JAK1: variants seen among roughly 807,000 people sequenced by gnomAD.
The protein encoded by JAK1 is Janus kinase 1.
A neutral mutation model predicts 136.6 loss-of-function variants in JAK1; 16 were observed. That is an observed-to-expected ratio of 0.12 (90% CI 0.08 to 0.18). The LOEUF is 0.18. Ranked by LOEUF, JAK1 falls within the 10% of genes least tolerant of loss-of-function variation. JAK1 has a pLI of 1.00. For missense variants in JAK1, 859 were observed against 1,450.1 expected (o/e 0.59, Z 6.62); for synonymous variants, 492 against 519.5 (o/e 0.95, Z 0.72).
intron 1 of JAK1, chr1:65,066,744 CCCTCCTCCTCCTCCTCCGGCACCGCCG>C (rs1367466492): frequency 1.3e-5 from 2 of 153,246 alleles, no homozygotes; most frequent in Non-Finnish European, 2.9e-5. Context: ...TCTTCTCCCT[CCCTCCTCCTCCTCCTCCGGCACCGCCG>C]CCTCCTCCTC....
intron 19 of JAK1, among the ~76,000 whole-genome samples, 187 bp downstream of exon 19, chr1:64,841,058 G>A (rs755865159): frequency 4.1e-4 from 62 of 152,150 alleles, no homozygotes; most frequent in Non-Finnish European, 7.8e-4. Context: ...CGTCCGTGCC[G>A]TGTGTCACAT....
chr1:64,970,134 C>CAAAAA (rs1232133832), upstream of JAK1, among the ~76,000 whole-genome samples: 175 of 49,510 alleles, frequency 3.5e-3, 65 homozygotes, highest in East Asian at 4.7e-3. Flanking sequence ...GACCCTGTCT[C>CAAAAA]AAAAAAAAAA....
intron 1 of JAK1, among the ~76,000 whole-genome samples, chr1:64,889,773 G>A (rs930842806): frequency 9.9e-5 from 15 of 152,166 alleles, no homozygotes; most frequent in Admixed American, 1.3e-4. Flanking sequence ...TGGTATCTGC[G>A]CAAGGGAAGA....
intron 1 of JAK1, among the ~76,000 whole-genome samples, chr1:64,907,173 A>G (rs1000272418): frequency 2.0e-5 from 3 of 152,206 alleles, no homozygotes; most frequent in Non-Finnish European, 4.4e-5. Flanking sequence ...TGAAATGAAA[A>G]TAACAGTACA....
In JAK1 at chr1:64,844,626, C is replaced by A. The variant is rs949918692; in HGVS notation, c.2251+128G>T. 5.5e-6 allele frequency: 6 copies of A among 1,094,400 alleles called. No individual in the cohort carries two copies. In the African/African-American group the frequency reaches 9.5e-5, roughly 17 times the overall value. 67.8% of individuals were successfully genotyped at this position (1,094,400 alleles called of 1,614,324 possible). A position where few individuals can be genotyped will look rare whatever the true frequency, so the allele number is the denominator to read the frequency against. ...GACCATCCTGGCCAACATGGTGAAACCCCGTCTCTACTAAAATACAAAAAA... is the reference window on the plus strand; with the variant it reads ...GACCATCCTGGCCAACATGGTGAAAACCCGTCTCTACTAAAATACAAAAAA... On this transcript the variant is annotated intron_variant, in intron 16 of 24. Transcript: ENST00000342505. This position sits in a 1 kb window ranked among gnomAD's most constrained non-coding sequence, Gnocchi z 5.7.
intron 1 of JAK1, among the ~76,000 whole-genome samples, chr1:64,923,813 C>T (rs771569459): frequency 7.2e-5 from 11 of 152,148 alleles, no homozygotes; most frequent in South Asian, 2.1e-4. Context: ...ATCAGACCAA[C>T]GGTTCCCAAC....
chr1:64,977,901 G>A lies in JAK1; in HGVS notation c.-78+66579C>T, dbSNP rs557637185. On this transcript the variant is annotated intron_variant, in intron 2 of 25. Transcript: ENST00000671954. The stretch of plus-strand genomic sequence containing the variant: ...AATTTCCATAAGCTTTAATTTCATC[G>A]TCATCGGTAAGTAAGGATGATACTA... 6.9e-5 allele frequency among the ~76,000 whole-genome samples: 10 copies of A among 144,586 alleles called. No individual in the cohort carries two copies. The South Asian group carries it at 8.3e-4, about 12-fold the overall frequency. 94.9% of individuals were successfully genotyped at this position (144,586 alleles called of 152,430 possible). A position where few individuals can be genotyped will look rare whatever the true frequency, so the allele number is the denominator to read the frequency against.
rs759386549 is a variant in JAK1 at position 64,855,717 on chromosome 1, G to C, written c.1459-19C>G. 1.2e-5 allele frequency: 20 copies of C among 1,603,852 alleles called. No homozygotes were observed. The highest frequency in any genetic ancestry group is 1.6e-5 in the Non-Finnish European group (19 of 1,171,976). Reference sequence around the variant, plus strand: ...GCACCTGCTATTCGGGAAATGACCAGAAATTACATGTTTAAAATGGGGTCA... The same window carrying C: ...GCACCTGCTATTCGGGAAATGACCACAAATTACATGTTTAAAATGGGGTCA... On this transcript the variant is annotated intron_variant, in intron 10 of 24. Coordinates refer to ENST00000342505, the MANE Select transcript of JAK1 (RefSeq NM_002227.4).
intron 1 of JAK1, among the ~76,000 whole-genome samples, chr1:64,932,705 C>T (rs1403615651): frequency 4.6e-5 from 7 of 152,236 alleles, no homozygotes; most frequent in African/African-American, 9.6e-5. Context: ...AACACTAACG[C>T]TATGGTTTGT....
intron 20 of JAK1, among the ~76,000 whole-genome samples, chr1:64,839,144 T>TTAA (rs1185995626): frequency 3.9e-4 from 18 of 46,058 alleles, no homozygotes; most frequent in African/African-American, 1.9e-3. Flanking sequence ...AGACTCCGTC[T>TTAA]CAAAAAAAAA....
chr1:65,030,402 T>G (rs1322241209), intron 2 of JAK1, among the ~76,000 whole-genome samples: 3 of 152,188 alleles, frequency 2.0e-5, no homozygotes, highest in Non-Finnish European at 4.4e-5. Context: ...AGAGAAAGTT[T>G]CTCATTCTTG....
chr1:64,956,036 T>C (rs888923073), intron 1 of JAK1, among the ~76,000 whole-genome samples: 1 of 152,250 alleles, frequency 6.6e-6, no homozygotes, highest in Non-Finnish European at 1.5e-5. Context: ...AAAATAGAAA[T>C]GTCAGTGTCC....
chr1:64,878,872 G>C (rs964837861), intron 4 of JAK1, among the ~76,000 whole-genome samples, 153 bp downstream of exon 4: 1 of 152,030 alleles, frequency 6.6e-6, no homozygotes, highest in African/African-American at 2.4e-5. Flanking sequence ...TCCAAATACT[G>C]AAGAAGTCCT....
chr1:65,042,495 A>G (rs528672270), intron 2 of JAK1, among the ~76,000 whole-genome samples: 120 of 152,076 alleles, frequency 7.9e-4, no homozygotes, highest in Admixed American at 1.3e-3. Context: ...CATAGAGAAG[A>G]CTGAATTCAT....
intron 1 of JAK1, among the ~76,000 whole-genome samples, chr1:64,923,523 C>T (rs1645532212): frequency 6.6e-6 from 1 of 152,190 alleles, no homozygotes; most frequent in Admixed American, 6.6e-5. Flanking sequence ...GGGGACATTT[C>T]CATTGGTTGC....
At chr1:64,953,435 C>T (rs530471241) in intron 1 of JAK1, among the ~76,000 whole-genome samples, 3 of 152,132 alleles carry the variant, frequency 2.0e-5, no homozygotes, top group Non-Finnish European at 4.4e-5. Context: ...GTCCAGCACG[C>T]TTTTCATAAC....
At chr1:64,971,524 A>T (rs540199058), upstream of JAK1, among the ~76,000 whole-genome samples, 1 of 150,464 alleles carries the variant, frequency 6.6e-6, no homozygotes, top group Non-Finnish European at 1.5e-5. Context: ...TTTTGCAGAG[A>T]CGCGGTTTCA....
At chr1:65,012,138 A>G (rs1646854729) in intron 2 of JAK1, among the ~76,000 whole-genome samples, 1 of 152,134 alleles carries the variant, frequency 6.6e-6, no homozygotes, top group South Asian at 2.1e-4. Context: ...GGTTGAAGTG[A>G]CCCCACAGCA....
chr1:64,925,007 A>C (rs1414573354), intron 1 of JAK1, among the ~76,000 whole-genome samples: 1 of 152,188 alleles, frequency 6.6e-6, no homozygotes, highest in African/African-American at 2.4e-5. Context: ...TAATGATGTC[A>C]GTGTAGGTTC....
Sources: gnomAD v4.1 joint callset for allele counts (sites outside exome capture counted in the v4.1 genomes callset) on GRCh38, gnomAD v4.1.1 for gene constraint, Gnocchi (gnomAD v3.1) non-coding constraint, MANE v1.5 for transcripts, NCBI Gene and HGNC (gene_info 2026-07-23, HGNC 2026-07-21) for gene names.